The following PBX1 variants were observed in gnomAD, a reference collection of about 807,000 sequenced individuals.
The protein encoded by PBX1 is pre-B-cell leukemia transcription factor 1.
In PBX1, 6 loss-of-function variants were observed where a neutral mutation model predicts 53.4. The observed-to-expected ratio is 0.11, with a 90% CI of 0.06 to 0.22. PBX1 has a LOEUF of 0.22. Ranked by LOEUF, PBX1 falls within the 10% of genes least tolerant of loss-of-function variation. The probability of loss-of-function intolerance (pLI) is 1.00; values close to 1 mark genes in which losing one functional copy is unlikely to be tolerated. For synonymous variants in PBX1, 204 were observed against 212.3 expected (o/e 0.96, Z 0.34); for missense variants, 251 against 551.4 (o/e 0.46, Z 5.46).
intron 2 of PBX1, among the ~76,000 whole-genome samples, chr1:164,567,997 G>A (rs2101702061): frequency 6.6e-6 from 1 of 152,208 alleles, no homozygotes; most frequent in Non-Finnish European, 1.5e-5. Context: ...CTGAGAAGGG[G>A]GCATTACCTG....
At chr1:164,769,114 T>C (rs1667233575) in intron 2 of PBX1, 1 of 152,126 alleles carries the variant, frequency 6.6e-6, no homozygotes, top group East Asian at 1.9e-4. Flanking sequence ...GCCATTCAAA[T>C]TGATTCGAAC....
chr1:164,849,248 G>A lies in PBX1; in HGVS notation c.*2572G>A. 6.6e-7 allele frequency: 1 copy of A among 1,519,028 alleles called. No individual in the cohort carries two copies. Among genetic ancestry groups the A allele is most frequent in the Non-Finnish European group, 8.8e-7 (1 of 1,136,862 alleles). 94.1% of individuals were successfully genotyped at this position (1,519,028 alleles called of 1,614,324 possible). A position where few individuals can be genotyped will look rare whatever the true frequency, so the allele number is the denominator to read the frequency against. On this transcript the variant is annotated 3_prime_UTR_variant, in exon 9 of 9. Transcript: ENST00000420696. ...TCAGAACAGGGCTACATTTGCACAG[G>A]CAGTTTCTCTCCGGGCCGTAGTTTT...
chr1:164,600,969 G>A (rs1656127473), intron 2 of PBX1, among the ~76,000 whole-genome samples: 1 of 152,100 alleles, frequency 6.6e-6, no homozygotes, highest in Non-Finnish European at 1.5e-5. Flanking sequence ...GGGCGCAGTG[G>A]CTCATGCCTG....
intron 2 of PBX1, among the ~76,000 whole-genome samples, chr1:164,858,477 A>G (rs1286938273): frequency 6.8e-6 from 1 of 146,322 alleles, no homozygotes; most frequent in Non-Finnish European, 1.5e-5. Context: ...ACACACACAC[A>G]CGCTGTGGCT....
chr1:164,839,016 G>T (rs367760891), intron 8 of PBX1, among the ~76,000 whole-genome samples: 127 of 152,192 alleles, frequency 8.3e-4, no homozygotes, highest in African/African-American at 3.0e-3. Flanking sequence ...TCTCCTCTCC[G>T]GTCCTGTCTT....
intron 2 of PBX1, among the ~76,000 whole-genome samples, chr1:164,589,616 G>T: frequency 6.6e-6 from 1 of 152,152 alleles, no homozygotes; most frequent in East Asian, 1.9e-4. Context: ...GTTGTTTATT[G>T]CCAGAGAGTA....
chr1:164,702,992 A>T (rs2102053652), intron 2 of PBX1: 1 of 149,268 alleles, frequency 6.7e-6, no homozygotes, highest in Non-Finnish European at 1.5e-5. Context: ...TGAAAACCTG[A>T]TGTTTGCAAA....
intron 2 of PBX1, among the ~76,000 whole-genome samples, chr1:164,746,866 G>A (rs1665919957): frequency 6.6e-6 from 1 of 152,146 alleles, no homozygotes; most frequent in Admixed American, 6.5e-5. Flanking sequence ...TGGGGTTGCT[G>A]GCAGAAGAGC....
At chr1:164,585,743 A>C (rs1453979506) in intron 2 of PBX1, among the ~76,000 whole-genome samples, 1 of 152,170 alleles carries the variant, frequency 6.6e-6, no homozygotes, top group Non-Finnish European at 1.5e-5. Context: ...TGCCATCCTG[A>C]CTTGGGCATC....
chr1:164,769,971 A>G (rs1370271441), intron 2 of PBX1: 1 of 152,218 alleles, frequency 6.6e-6, no homozygotes, highest in African/African-American at 2.4e-5. Context: ...AGCCCAGGGT[A>G]GTGCAAAGAG....
At chr1:164,711,057 C>G (rs184035403) in intron 2 of PBX1, among the ~76,000 whole-genome samples, 9 of 152,196 alleles carry the variant, frequency 5.9e-5, no homozygotes, top group African/African-American at 1.2e-4. Context: ...TGCTGTCAAC[C>G]CTTTCTCTTT....
intron 2 of PBX1, among the ~76,000 whole-genome samples, chr1:164,589,789 C>T (rs780694727): frequency 6.6e-6 from 1 of 152,194 alleles, no homozygotes; most frequent in Non-Finnish European, 1.5e-5. Flanking sequence ...GGTGAAGTGA[C>T]TTTTCCAAGG....
At chr1:164,647,444 C>T (rs1202917853) in intron 2 of PBX1, among the ~76,000 whole-genome samples, 1 of 152,214 alleles carries the variant, frequency 6.6e-6, no homozygotes, top group Middle Eastern at 3.4e-3. Context: ...GTTTTGTTAT[C>T]AGGGAAAGTC....
rs146028906 is a variant in PBX1, at chr1:164,784,400, G to A, written c.266-8094G>A. Among the ~76,000 whole-genome samples the A allele has an allele frequency of 3.5e-3, 540 of 152,330 alleles. 14 individuals are homozygous for A. Among genetic ancestry groups the A allele is most frequent in the Admixed American group, 0.028 (422 of 15,312 alleles). ...TCCCTGCCAGCTGGCCCAGGGAGGC[G>A]CAGCGTGCCAAGTGGGGAACGTGTG... On this transcript the variant is annotated intron_variant, in intron 2 of 8. Transcript: ENST00000420696.
At chr1:164,679,703 T>C (rs1661641284) in intron 2 of PBX1, among the ~76,000 whole-genome samples, 1 of 152,180 alleles carries the variant, frequency 6.6e-6, no homozygotes, top group South Asian at 2.1e-4. Context: ...GGAGACAAAA[T>C]TTGCTATTAT....
chr1:164,754,906 T>TA (rs565459492), intron 2 of PBX1, among the ~76,000 whole-genome samples: 63 of 152,230 alleles, frequency 4.1e-4, no homozygotes, highest in African/African-American at 1.4e-3. Flanking sequence ...CAATAAAATG[T>TA]AAAAAAAGAG....
intron 8 of PBX1, among the ~76,000 whole-genome samples, chr1:164,836,343 T>G (rs1671038024): frequency 6.6e-6 from 1 of 152,060 alleles, no homozygotes; most frequent in African/African-American, 2.4e-5. Flanking sequence ...AGCTGGAAGG[T>G]TTCTACTGCA....
Position 164,848,044 on chromosome 1 carries a change from C to A in PBX1, c.*1368C>A. The A allele has an allele frequency of 9.5e-7, 1 of 1,050,166 alleles. No individual in the cohort carries two copies. Among genetic ancestry groups the A allele is most frequent in the Non-Finnish European group, 1.1e-6 (1 of 869,790 alleles). The allele number at this position is 1,050,166 out of a possible 1,614,324, so 65.1% of individuals were successfully genotyped here. The stretch of plus-strand genomic sequence containing the variant: ...ACCACACTATGTTCTTGGTCCTGAC[C>A]TATTGCTCTGGAGGAAAGAGTTGTA... On this transcript the variant is annotated 3_prime_UTR_variant, in exon 9 of 9. Coordinates refer to ENST00000420696, the MANE Select transcript of PBX1 (RefSeq NM_002585.4).
chr1:164,622,788 A>T (rs1199910075), intron 2 of PBX1, among the ~76,000 whole-genome samples: 1 of 149,788 alleles, frequency 6.7e-6, no homozygotes, highest in East Asian at 2.0e-4. Context: ...ACACTGACAC[A>T]TGCTTGCTAT....
Sources: gnomAD v4.1 joint callset for allele counts (sites outside exome capture counted in the v4.1 genomes callset) on GRCh38, gnomAD v4.1.1 for gene constraint, MANE v1.5 for transcripts, NCBI Gene and HGNC (gene_info 2026-07-23, HGNC 2026-07-21) for gene names.